AKAP19: variants seen among roughly 807,000 people sequenced by gnomAD.
The protein encoded by AKAP19 is A-kinase anchoring protein 19.
chr2:189,992,166 C>T, the AKAP19 span, among the ~76,000 whole-genome samples: 1 of 151,512 alleles, frequency 6.6e-6, no homozygotes, highest in East Asian at 1.9e-4. Context: ...AGCAATTCTC[C>T]TGTCTCAGCC....
chr2:190,181,264 A>C, the AKAP19 span: 5 of 539,664 alleles, frequency 9.3e-6, no homozygotes, highest in Non-Finnish European at 1.2e-5. Flanking sequence ...GCTGCCGTGG[A>C]TAGAGCCTCA....
At chr2:190,162,941 A>T in the AKAP19 span, among the ~76,000 whole-genome samples, 1 of 152,222 alleles carries the variant, frequency 6.6e-6, no homozygotes. Flanking sequence ...GAAAAGAATA[A>T]AAGTTCTTAT....
the AKAP19 span, among the ~76,000 whole-genome samples, chr2:190,179,135 C>T: frequency 6.6e-6 from 1 of 152,132 alleles, no homozygotes; most frequent in Non-Finnish European, 1.5e-5. This position sits in a 1 kb window ranked among gnomAD's most constrained non-coding sequence, Gnocchi z 6.0. Flanking sequence ...TGGCTGGGTG[C>T]GGTGGCTCAC....
At chr2:189,880,599 A>G in the AKAP19 span, among the ~76,000 whole-genome samples, 3 of 152,318 alleles carry the variant, frequency 2.0e-5, no homozygotes, top group South Asian at 6.2e-4. Flanking sequence ...TTCACACTTC[A>G]CGTAAGATAC....
At chr2:189,982,707 C>G in the AKAP19 span, among the ~76,000 whole-genome samples, 1 of 150,342 alleles carries the variant, frequency 6.7e-6, no homozygotes, top group African/African-American at 2.5e-5. Flanking sequence ...TTCCCTTGAG[C>G]ATATGACTGT....
the AKAP19 span, among the ~76,000 whole-genome samples, chr2:189,996,421 T>C: frequency 3.3e-5 from 5 of 152,238 alleles, no homozygotes; most frequent in Non-Finnish European, 7.3e-5. Context: ...TTTCTCTGTG[T>C]CTTTCATTTC....
the AKAP19 span, among the ~76,000 whole-genome samples, chr2:189,906,613 A>G: frequency 6.6e-6 from 1 of 152,150 alleles, no homozygotes; most frequent in Middle Eastern, 3.2e-3. Context: ...ATTCCATTGT[A>G]TAAGCATTAC....
the AKAP19 span, among the ~76,000 whole-genome samples, chr2:189,995,459 G>T: frequency 6.6e-6 from 1 of 152,086 alleles, no homozygotes; most frequent in Non-Finnish European, 1.5e-5. Flanking sequence ...GTTTCCATTT[G>T]CATAGAATAT....
the AKAP19 span, among the ~76,000 whole-genome samples, chr2:190,187,409 CTTTT>C: frequency 3.0e-4 from 40 of 131,286 alleles, no homozygotes; most frequent in Non-Finnish European, 3.3e-4. Flanking sequence ...TTAGAAGTTA[CTTTT>C]TTTTTTTTTT....
At chr2:189,958,305 A>C in the AKAP19 span, among the ~76,000 whole-genome samples, 1 of 152,084 alleles carries the variant, frequency 6.6e-6, no homozygotes, top group Non-Finnish European at 1.5e-5. Flanking sequence ...CTGTAATCAG[A>C]GAAGTGCATA....
At chr2:190,050,711 G>C in the AKAP19 span, among the ~76,000 whole-genome samples, 2 of 152,154 alleles carry the variant, frequency 1.3e-5, no homozygotes, top group African/African-American at 4.8e-5. Context: ...ATAGTAAATA[G>C]AGCCAGTCAG....
At chr2:189,883,474 C>A in the AKAP19 span, among the ~76,000 whole-genome samples, 1 of 150,052 alleles carries the variant, frequency 6.7e-6, no homozygotes, top group African/African-American at 2.5e-5. Flanking sequence ...AGTACACAAT[C>A]GTTTCTAACA....
At chr2:190,096,538 G>C in the AKAP19 span, among the ~76,000 whole-genome samples, 1 of 152,148 alleles carries the variant, frequency 6.6e-6, no homozygotes, top group Non-Finnish European at 1.5e-5. Context: ...CTGCCTGTCT[G>C]TGTGTTGGCC....
At chr2:189,965,801 A>G in the AKAP19 span, among the ~76,000 whole-genome samples, 1 of 152,198 alleles carries the variant, frequency 6.6e-6, no homozygotes, top group Admixed American at 6.5e-5. Context: ...ACTACTAGGT[A>G]TCTACCCAGA....
the AKAP19 span, among the ~76,000 whole-genome samples, chr2:189,964,103 C>T: frequency 2.8e-4 from 42 of 152,214 alleles, no homozygotes; most frequent in Admixed American, 1.3e-3. Flanking sequence ...AGAATTCCTT[C>T]TTAATCCATG....
the AKAP19 span, among the ~76,000 whole-genome samples, chr2:189,905,160 A>G: frequency 6.6e-6 from 1 of 151,974 alleles, no homozygotes; most frequent in South Asian, 2.1e-4. Flanking sequence ...CAATTATTTC[A>G]TAATTTATTT....
At chr2:190,039,180 G>A in the AKAP19 span, among the ~76,000 whole-genome samples, 2 of 151,872 alleles carry the variant, frequency 1.3e-5, no homozygotes, top group African/African-American at 2.4e-5. Flanking sequence ...CCAGGTTCAA[G>A]CGATTCTCCT....
the AKAP19 span, among the ~76,000 whole-genome samples, chr2:189,963,327 T>C: frequency 1.3e-5 from 2 of 150,904 alleles, no homozygotes; most frequent in African/African-American, 4.9e-5. Context: ...CCCGAGTAGC[T>C]GGGACTACAG....
the AKAP19 span, among the ~76,000 whole-genome samples, chr2:189,896,064 C>T: frequency 3.3e-5 from 5 of 150,914 alleles, no homozygotes; most frequent in African/African-American, 9.7e-5. Flanking sequence ...TTTTAGTCAT[C>T]TCACATTCAT....
Sources: allele counts gnomAD v4.1 joint callset (sites outside exome capture counted in the v4.1 genomes callset), GRCh38; gene constraint gnomAD v4.1.1; non-coding constraint Gnocchi (gnomAD v3.1); transcripts MANE v1.5; gene names NCBI Gene and HGNC (gene_info 2026-07-23, HGNC 2026-07-21).